The following GALNT13 variants were observed in gnomAD, a reference collection of about 807,000 sequenced individuals.
GALNT13 encodes UDP-GalNAc:polypeptide N-acetylgalactosaminyltransferase 13.
A neutral mutation model predicts 64.2 loss-of-function variants in GALNT13; 28 were observed. The ratio of observed to expected loss-of-function variants is 0.44; its 90% CI spans 0.32 to 0.60. GALNT13 has a LOEUF of 0.60. Among genes scored for constraint, GALNT13 ranks in the 20% least tolerant of loss-of-function variants. The pLI, the probability that GALNT13 is intolerant of heterozygous loss-of-function variation, is 0.05. For synonymous variants in GALNT13, 214 were observed against 224.6 expected, an observed-to-expected ratio of 0.95 and a Z score of 0.42; for missense variants, 577 against 669.8, an observed-to-expected ratio of 0.86 and a Z score of 1.53.
the GALNT13 span, chr2:153,370,750 A>T: frequency 6.6e-6 from 1 of 152,324 alleles, no homozygotes; most frequent in East Asian, 1.9e-4. Context: ...CACCCAAAAT[A>T]CTTTGGATTT....
chr2:154,394,410 A>G (rs1698962821), intron 9 of GALNT13, among the ~76,000 whole-genome samples: 1 of 152,164 alleles, frequency 6.6e-6, no homozygotes, highest in Non-Finnish European at 1.5e-5. Context: ...GAACTACCAA[A>G]TCTTAACATG....
the GALNT13 span, among the ~76,000 whole-genome samples, chr2:153,112,116 G>C: frequency 2.6e-5 from 4 of 152,060 alleles, no homozygotes; most frequent in Admixed American, 2.6e-4. Flanking sequence ...TCCATATGGC[G>C]GGGGCAAGAG....
chr2:153,613,539 G>A, the GALNT13 span, among the ~76,000 whole-genome samples: 2 of 152,018 alleles, frequency 1.3e-5, no homozygotes, highest in African/African-American at 4.8e-5. Flanking sequence ...TTTCTAAAGA[G>A]GCAGATTCTG....
chr2:154,438,664 C>A lies in GALNT13; in HGVS notation c.1468C>A (p.Pro490Thr). 6.2e-7 allele frequency: 1 copy of A among 1,610,932 alleles called. No homozygotes were observed. The highest frequency in any genetic ancestry group is 8.5e-7 in the Non-Finnish European group (1 of 1,177,364). ...LCLDVSRLNG[P>T]VIMLKCHHMR... Reference sequence around the variant, plus strand: ...CTTGGATGTTTCTAGACTCAATGGACCTGTAATCATGTTAAAATGCCACCA... The same window carrying A: ...CTTGGATGTTTCTAGACTCAATGGAACTGTAATCATGTTAAAATGCCACCA... The change falls in exon 12 of 13, where the codon CCT becomes ACT. Residue 490 changes from proline (P) to threonine (T), a missense_variant. Pro to Thr is a conservative substitution (Grantham distance 38). Around this residue, in one of 3 missense-constraint regions of GALNT13, gnomAD observed 232 missense variants for 270.6 expected, o/e 0.86. Coordinates refer to ENST00000392825, the MANE Select transcript of GALNT13 (RefSeq NM_052917.4).
At position 154,357,203 on chromosome 2, in the gene GALNT13, G is replaced by A. The variant is rs113884726; in HGVS notation, c.1157-38788G>A. Among the ~76,000 whole-genome samples, 147 of 152,040 alleles carry A rather than the reference G, an allele frequency of 9.7e-4. 1 individual carries two copies. Among genetic ancestry groups the A allele is most frequent in the Middle Eastern group, 3.4e-3 (1 of 294 alleles). On this transcript the variant is annotated intron_variant, in intron 9 of 12. Coordinates refer to ENST00000392825, the MANE Select transcript of GALNT13 (RefSeq NM_052917.4). ...ATAGAATCATTAAAATAATCTCTAA[G>A]ATCTCTTTTAGCTCTTAACTTTCTA...
chr2:153,907,836 C>T (rs1490910721), intron 2 of GALNT13, among the ~76,000 whole-genome samples: 1 of 152,010 alleles, frequency 6.6e-6, no homozygotes, highest in Non-Finnish European at 1.5e-5. Flanking sequence ...GATTCCATAT[C>T]TTTGTCATTG....
At chr2:154,328,883 G>T (rs1695018039) in intron 9 of GALNT13, among the ~76,000 whole-genome samples, 2 of 152,150 alleles carry the variant, frequency 1.3e-5, no homozygotes, top group Non-Finnish European at 2.9e-5. Flanking sequence ...TGCAATTGAT[G>T]TGCTTCTGTG....
At chr2:153,687,672 C>T in the GALNT13 span, among the ~76,000 whole-genome samples, 6 of 151,988 alleles carry the variant, frequency 3.9e-5, no homozygotes, top group South Asian at 8.3e-4. Flanking sequence ...AATCTATGAT[C>T]CTGAGGGAGC....
chr2:154,417,244 C>T lies in GALNT13; in HGVS notation c.1395+8162C>T, dbSNP rs186337987. Reference sequence around the variant, plus strand: ...TTAAATAATTAAGTGATGACTCCGTCGAAATTATCGCTCCCAGTTGGAAAA... The same window carrying T: ...TTAAATAATTAAGTGATGACTCCGTTGAAATTATCGCTCCCAGTTGGAAAA... On this transcript the variant is annotated intron_variant, in intron 11 of 12. Coordinates refer to ENST00000392825, the MANE Select transcript of GALNT13 (RefSeq NM_052917.4). 7.6e-4 allele frequency among the ~76,000 whole-genome samples: 103 copies of T among 135,344 alleles called. 2 individuals are homozygous for T. In the East Asian group the frequency reaches 0.019, roughly 25 times the overall value. 88.8% of individuals were successfully genotyped at this position (135,344 alleles called of 152,430 possible). A position where few individuals can be genotyped will look rare whatever the true frequency, so the allele number is the denominator to read the frequency against.
At chr2:153,651,017 C>G in the GALNT13 span, among the ~76,000 whole-genome samples, 1 of 152,040 alleles carries the variant, frequency 6.6e-6, no homozygotes, top group Non-Finnish European at 1.5e-5. Context: ...GAAAATTTCG[C>G]AGACCAATGG....
At chr2:153,074,752 T>G in the GALNT13 span, among the ~76,000 whole-genome samples, 2 of 152,190 alleles carry the variant, frequency 1.3e-5, no homozygotes, top group African/African-American at 4.8e-5. Flanking sequence ...TTGATTATTA[T>G]TTTTGGAGAT....
At chr2:153,433,951 G>C in the GALNT13 span, among the ~76,000 whole-genome samples, 1 of 151,882 alleles carries the variant, frequency 6.6e-6, no homozygotes, top group African/African-American at 2.4e-5. Flanking sequence ...TTAGCATTAG[G>C]TATATCTCCT....
intron 8 of GALNT13, among the ~76,000 whole-genome samples, chr2:154,288,856 A>G (rs1460448420): frequency 6.6e-6 from 1 of 152,174 alleles, no homozygotes; most frequent in Non-Finnish European, 1.5e-5. Context: ...CTTTTCCAGG[A>G]CATGGTGCAA....
intron 4 of GALNT13, among the ~76,000 whole-genome samples, chr2:154,188,542 G>A (rs1456000243): frequency 6.6e-6 from 1 of 152,144 alleles, no homozygotes; most frequent in South Asian, 2.1e-4. Flanking sequence ...GCCTAGCAAA[G>A]CTTTGCATGT....
the GALNT13 span, among the ~76,000 whole-genome samples, chr2:153,595,392 A>T: frequency 6.6e-6 from 1 of 152,020 alleles, no homozygotes; most frequent in South Asian, 2.1e-4. Context: ...TAAAGAAGAT[A>T]TCTATTAAAA....
At chr2:153,811,963 T>C in the GALNT13 span, among the ~76,000 whole-genome samples, 1 of 152,226 alleles carries the variant, frequency 6.6e-6, no homozygotes, top group Non-Finnish European at 1.5e-5. Flanking sequence ...ACATTACTCT[T>C]ACTGATGCAG....
At chr2:153,298,144 T>C in the GALNT13 span, among the ~76,000 whole-genome samples, 2 of 152,218 alleles carry the variant, frequency 1.3e-5, no homozygotes, top group African/African-American at 4.8e-5. Flanking sequence ...TTATTCTGGT[T>C]CTTCTTTACC....
intron 8 of GALNT13, among the ~76,000 whole-genome samples, chr2:154,260,357 G>A (rs529884377): frequency 6.6e-6 from 1 of 152,206 alleles, no homozygotes; most frequent in East Asian, 1.9e-4. Flanking sequence ...GTGATGTTGT[G>A]TAAGAAAATG....
intron 11 of GALNT13, among the ~76,000 whole-genome samples, chr2:154,425,639 A>T (rs1422408300): frequency 6.6e-6 from 1 of 152,234 alleles, no homozygotes; most frequent in South Asian, 2.1e-4. Context: ...TATACCATCA[A>T]TAGAAAGATA....
Sources: allele counts gnomAD v4.1 joint callset (sites outside exome capture counted in the v4.1 genomes callset), GRCh38; gene constraint gnomAD v4.1.1; regional missense constraint gnomAD v4.1.1; transcripts MANE v1.5; gene names NCBI Gene and HGNC (gene_info 2026-07-23, HGNC 2026-07-21).